PRR11: variants seen among roughly 807,000 people sequenced by gnomAD.
PRR11 encodes the protein proline rich 11.
Under a neutral mutation model 45.6 loss-of-function variants are expected in PRR11, and 30 were observed. That is an observed-to-expected ratio of 0.66 (90% CI 0.49 to 0.89). The LOEUF (loss-of-function observed/expected upper bound fraction) is 0.89, where lower values mean the gene tolerates loss of function less well. PRR11 is among the 40% of genes least tolerant of loss of function. The pLI is 0.00. For missense variants in PRR11, 373 were observed against 424.8 expected, an observed-to-expected ratio of 0.88 and a Z score of 1.07; for synonymous variants, 128 against 153.5, an observed-to-expected ratio of 0.83 and a Z score of 1.23.
intron 2 of PRR11, chr17:59,181,592 G>GC: frequency 7.3e-7 from 1 of 1,367,408 alleles, no homozygotes; most frequent in Non-Finnish European, 1.0e-6. Flanking sequence ...TTCATTTTGA[G>GC]CCCACACAGC....
At chr17:59,186,380 AATTTTTTTTTT>A (rs1369110022) in intron 4 of PRR11, among the ~76,000 whole-genome samples, 1 of 100,212 alleles carries the variant, frequency 1.0e-5, no homozygotes. Flanking sequence ...AGCTGTTTGT[AATTTTTTTTTT>A]TTTTTTTTTT....
At position 59,201,846 on chromosome 17, in the gene PRR11, C is replaced by T. The variant is rs971085582; in HGVS notation, c.*215C>T. ...ATTAGCTGGGCATAGTGGCGGGTGC[C>T]TGTAATCCCAGCTATGCGGGAGGCT... is the stretch of plus-strand genomic sequence containing the variant. On this transcript the variant is annotated 3_prime_UTR_variant, in exon 10 of 10. Transcript: ENST00000262293. 1.0e-5 allele frequency: 5 copies of T among 500,220 alleles called. No individual in the cohort carries two copies. In the East Asian group the frequency reaches 1.4e-4, roughly 14 times the overall value. The allele number at this position is 500,220 out of a possible 1,614,324, so 31.0% of individuals were successfully genotyped here. A position where few individuals can be genotyped will look rare whatever the true frequency, so the allele number is the denominator to read the frequency against.
chr17:59,162,213 GACACACACACACACACAC>G (rs58983044), intron 1 of PRR11, among the ~76,000 whole-genome samples: 4 of 139,482 alleles, frequency 2.9e-5, no homozygotes, highest in African/African-American at 1.1e-4. Context: ...ACCCAAGTCA[GACACACACACACACACAC>G]ACACACACAC....
At chr17:59,167,658 G>A (rs1455077259) in intron 1 of PRR11, among the ~76,000 whole-genome samples, 1 of 152,124 alleles carries the variant, frequency 6.6e-6, no homozygotes, top group Non-Finnish European at 1.5e-5. Flanking sequence ...CTGGGGAAAG[G>A]GTGGGGATTT....
intron 4 of PRR11, among the ~76,000 whole-genome samples, chr17:59,189,851 G>C (rs115402298): frequency 0.011 from 1,744 of 152,092 alleles, 28 homozygotes; most frequent in African/African-American, 0.039. Context: ...TTTTTTAGCT[G>C]GTCATGGCAT....
At chr17:59,184,963 C>G (rs1844877571) in intron 2 of PRR11, 91 bp from the exon 3 acceptor site, 2 of 1,161,572 alleles carry the variant, frequency 1.7e-6, no homozygotes, top group Non-Finnish European at 2.4e-6. Flanking sequence ...TCCCAAAGTG[C>G]TAGCAGTAGA....
intron 1 of PRR11, among the ~76,000 whole-genome samples, chr17:59,168,647 GC>G (rs2046691457): frequency 6.6e-6 from 1 of 151,854 alleles, no homozygotes; most frequent in Admixed American, 6.6e-5. Flanking sequence ...CCAAGATCAT[GC>G]CACTGCACTG....
intron 2 of PRR11, among the ~76,000 whole-genome samples, chr17:59,174,714 C>T (rs1324647620): frequency 1.3e-5 from 2 of 152,158 alleles, no homozygotes; most frequent in South Asian, 2.1e-4. Context: ...CTGCCTTTAC[C>T]CCAGAGGACA....
chr17:59,176,200 A>T (rs1211254807), intron 2 of PRR11, among the ~76,000 whole-genome samples: 1 of 152,150 alleles, frequency 6.6e-6, no homozygotes, highest in Non-Finnish European at 1.5e-5. Flanking sequence ...GGGCATTTGG[A>T]AAGAGCGGTG....
chr17:59,186,381 A>ATTTTTTT lies in PRR11; in HGVS notation c.402+846_402+852dup, dbSNP rs59082405. 1.6e-3 allele frequency among the ~76,000 whole-genome samples: 137 copies of ATTTTTTT among 84,644 alleles called. 5 individuals carry two copies. Among genetic ancestry groups the ATTTTTTT allele is most frequent in the African/African-American group, 5.2e-3 (122 of 23,440 alleles). 55.5% of individuals were successfully genotyped at this position (84,644 alleles called of 152,430 possible). Reference sequence around the variant, plus strand: ...AAAAAAATTTTGCCAGCTGTTTGTAATTTTTTTTTTTTTTTTTTTTTTTTT... The same window carrying ATTTTTTT: ...AAAAAAATTTTGCCAGCTGTTTGTAATTTTTTTTTTTTTTTTTTTTTTTTTTTTTTTT... On this transcript the variant is annotated intron_variant, in intron 4 of 9. Transcript: ENST00000262293.
At chr17:59,197,964 A>T (rs2046874914) in intron 9 of PRR11, 175 bp downstream of exon 9, 2 of 597,588 alleles carry the variant, frequency 3.3e-6, no homozygotes, top group South Asian at 4.1e-5. Context: ...AAATACAAAA[A>T]ATTAGCCAGG....
At chr17:59,192,348 G>A (rs895443431) in intron 4 of PRR11, among the ~76,000 whole-genome samples, 4 of 152,178 alleles carry the variant, frequency 2.6e-5, no homozygotes, top group African/African-American at 9.7e-5. Flanking sequence ...CTCAAGCACT[G>A]TGCGAAAATA....
intron 9 of PRR11, 75 bp from the exon 10 acceptor site, chr17:59,201,488 T>A: frequency 6.7e-7 from 1 of 1,483,272 alleles, no homozygotes; most frequent in Non-Finnish European, 9.3e-7. Flanking sequence ...AATTCTGGGT[T>A]CTGTTGAGAA....
At chr17:59,175,593 A>C (rs1232779044) in intron 2 of PRR11, among the ~76,000 whole-genome samples, 1 of 152,170 alleles carries the variant, frequency 6.6e-6, no homozygotes, top group Non-Finnish European at 1.5e-5. Context: ...AGATACAAAA[A>C]TCAGCCTGGT....
chr17:59,198,283 T>C (rs1346215016), intron 9 of PRR11, among the ~76,000 whole-genome samples: 1 of 152,182 alleles, frequency 6.6e-6, no homozygotes, highest in Non-Finnish European at 1.5e-5. Flanking sequence ...CTCATGCCTG[T>C]AATCTCAGCA....
rs989003096 is a variant in PRR11 at position 59,206,288 on chromosome 17, C to T, written c.*4657C>T. 6.6e-6 allele frequency among the ~76,000 whole-genome samples: 1 copy of T among 152,022 alleles called. No homozygotes were observed. Among genetic ancestry groups the T allele is most frequent in the Non-Finnish European group, 1.5e-5 (1 of 68,004 alleles). Reference sequence around the variant, plus strand: ...GACTGAGGTGGAAGAATCACTTGAGCCCGGGAGGTTGAGGCTGCAGTGAGC... The same window carrying T: ...GACTGAGGTGGAAGAATCACTTGAGTCCGGGAGGTTGAGGCTGCAGTGAGC... On this transcript the variant is annotated 3_prime_UTR_variant, in exon 10 of 10. Coordinates refer to ENST00000262293, the MANE Select transcript of PRR11 (RefSeq NM_018304.4).
rs1192565657 is a variant in PRR11, at chr17:59,185,660, T to G, written c.402+98T>G. ...TAGGGAAAATGCTCAAGTCATAAGA[T>G]TTATATCTCAAACATTAAGCGAAAA... On this transcript the variant is annotated intron_variant, in intron 4 of 9. Transcript: ENST00000262293. 1.7e-5 allele frequency: 19 copies of G among 1,120,972 alleles called. 1 individual carries two copies. In the East Asian group the frequency reaches 3.8e-4, roughly 22 times the overall value. 69.4% of individuals were successfully genotyped at this position (1,120,972 alleles called of 1,614,324 possible). A position where few individuals can be genotyped will look rare whatever the true frequency, so the allele number is the denominator to read the frequency against.
Position 59,201,980 on chromosome 17 carries a change from AC to A in PRR11, c.*350del. The A allele has an allele frequency of 4.3e-6, 1 of 231,916 alleles. No individual in the cohort carries two copies. The highest frequency in any genetic ancestry group is 2.2e-5 in the African/African-American group (1 of 45,148). The allele number at this position is 231,916 out of a possible 1,614,324, so 14.4% of individuals were successfully genotyped here. ...GAGCAAAACAAAAACAAACAAACAA[AC>A]AAAAAAAACCCACCCAAATCCTTTT... is the stretch of plus-strand genomic sequence containing the variant. On this transcript the variant is annotated 3_prime_UTR_variant, in exon 10 of 10. Coordinates refer to ENST00000262293, the MANE Select transcript of PRR11 (RefSeq NM_018304.4).
intron 2 of PRR11, among the ~76,000 whole-genome samples, chr17:59,184,008 G>T (rs1206504994): frequency 1.3e-5 from 2 of 152,108 alleles, no homozygotes; most frequent in African/African-American, 4.8e-5. Context: ...AGACTCATGC[G>T]ACAGGAAGAT....
Sources: allele counts gnomAD v4.1 joint callset (sites outside exome capture counted in the v4.1 genomes callset), GRCh38; gene constraint gnomAD v4.1.1; transcripts MANE v1.5; gene names NCBI Gene and HGNC (gene_info 2026-07-23, HGNC 2026-07-21).